Variants in SHC3 observed in about 807,000 individuals in gnomAD.
SHC3 encodes SHC-transforming protein 3.
A neutral mutation model predicts 60.4 loss-of-function variants in SHC3; 15 were observed. That is an observed-to-expected ratio of 0.25 (90% CI 0.17 to 0.38). SHC3 has a LOEUF of 0.38. Ranked by LOEUF, SHC3 falls within the 10% of genes least tolerant of loss-of-function variation. The pLI is 1.00. For missense variants in SHC3, 677 were observed against 786.1 expected, an observed-to-expected ratio of 0.86 and a Z score of 1.66; for synonymous variants, 294 against 325.9, an observed-to-expected ratio of 0.90 and a Z score of 1.05.
chr9:89,015,816 T>G (rs1198514767), intron 11 of SHC3, among the ~76,000 whole-genome samples: 1 of 152,204 alleles, frequency 6.6e-6, no homozygotes, highest in Non-Finnish European at 1.5e-5. Flanking sequence ...GTTGAGGCTG[T>G]GCATCGTAAA....
intron 2 of SHC3, among the ~76,000 whole-genome samples, chr9:89,111,994 T>TA (rs1204828182): frequency 6.6e-6 from 1 of 152,142 alleles, no homozygotes; most frequent in Non-Finnish European, 1.5e-5. Flanking sequence ...ATTTTATTTT[T>TA]AAAAAACCAG....
In SHC3 at chr9:89,153,772, C is replaced by G. The variant is rs185576344; in HGVS notation, c.474+24215G>C. 5.3e-5 allele frequency among the ~76,000 whole-genome samples: 8 copies of G among 152,314 alleles called. No homozygotes were observed. The East Asian group carries it at 9.6e-4, about 18-fold the overall frequency. ...ATCATGTGATATCACAGTACTCTCT[C>G]TTGAATAAAGGAAATATGACTAAAG... On this transcript the variant is annotated intron_variant, in intron 1 of 11. Transcript: ENST00000375835.
intron 4 of SHC3, among the ~76,000 whole-genome samples, chr9:89,072,351 A>C (rs1020746324): frequency 6.6e-6 from 1 of 152,138 alleles, no homozygotes; most frequent in South Asian, 2.1e-4. Context: ...ACACCAAAAC[A>C]TCTCAACTTA....
chr9:89,084,257 G>T (rs1825492314), intron 2 of SHC3, among the ~76,000 whole-genome samples: 1 of 152,152 alleles, frequency 6.6e-6, no homozygotes, highest in Admixed American at 6.5e-5. Flanking sequence ...CTCATTCTGT[G>T]CTTCAGCCTT....
intron 1 of SHC3, among the ~76,000 whole-genome samples, chr9:89,145,392 G>A (rs540461535): frequency 4.6e-5 from 7 of 152,230 alleles, no homozygotes; most frequent in East Asian, 3.9e-4. Context: ...ACAATGATTC[G>A]CTTAAAGTAA....
chr9:89,141,402 C>A (rs75762893), intron 1 of SHC3, among the ~76,000 whole-genome samples: 3 of 151,040 alleles, frequency 2.0e-5, no homozygotes, highest in African/African-American at 4.8e-5. Context: ...AGAGTAGCCT[C>A]ACAAATCTTT....
At chr9:89,174,144 A>C (rs991895901) in intron 1 of SHC3, among the ~76,000 whole-genome samples, 1 of 152,188 alleles carries the variant, frequency 6.6e-6, no homozygotes, top group African/African-American at 2.4e-5. Context: ...ACACTTTGTC[A>C]AGTGAAAAAA....
At chr9:89,118,849 C>T (rs1253060505) in intron 1 of SHC3, among the ~76,000 whole-genome samples, 3 of 152,050 alleles carry the variant, frequency 2.0e-5, no homozygotes. Context: ...GGAATTATTC[C>T]AGAAAAACAA....
chr9:89,112,711 G>A, intron 1 of SHC3, 85 bp from the exon 2 acceptor site: 1 of 1,158,666 alleles, frequency 8.6e-7, no homozygotes, highest in Non-Finnish European at 1.2e-6. Context: ...ATTTTTGGGA[G>A]CCATACACAT....
intron 6 of SHC3, among the ~76,000 whole-genome samples, chr9:89,057,898 G>A (rs1324719943): frequency 6.6e-6 from 1 of 152,208 alleles, no homozygotes; most frequent in Non-Finnish European, 1.5e-5. Flanking sequence ...TCCTGGATTA[G>A]GGAGGGCTCT....
At chr9:89,030,668 T>C (rs1478543138) in intron 11 of SHC3, among the ~76,000 whole-genome samples, 2 of 152,218 alleles carry the variant, frequency 1.3e-5, no homozygotes, top group Admixed American at 1.3e-4. Flanking sequence ...ATTTTTCTAA[T>C]TGTCTCAAGG....
rs373334323 is a variant in SHC3, at chr9:89,063,722, G to A, written c.835+1807C>T. Among the ~76,000 whole-genome samples, 81 of 152,358 alleles carry A rather than the reference G, an allele frequency of 5.3e-4. 2 individuals carry two copies. In the East Asian group the frequency reaches 7.1e-3, roughly 13 times the overall value. On this transcript the variant is annotated intron_variant, in intron 6 of 11. Transcript: ENST00000375835. ...GATGACCCCTGTCGATGCCACTTGG[G>A]CAGATGAACTGACCAGCTGACACTT...
chr9:89,045,169 T>A (rs1214033272), intron 9 of SHC3, among the ~76,000 whole-genome samples: 1 of 151,664 alleles, frequency 6.6e-6, no homozygotes, highest in East Asian at 1.9e-4. Flanking sequence ...AGCATGGAGG[T>A]GTACAGTCTC....
At chr9:89,174,736 T>C (rs1826918027) in intron 1 of SHC3, among the ~76,000 whole-genome samples, 1 of 152,224 alleles carries the variant, frequency 6.6e-6, no homozygotes, top group African/African-American at 2.4e-5. Flanking sequence ...CCACACAGCA[T>C]TGCTTCCTGC....
chr9:89,167,227 T>C (rs1345417753), intron 1 of SHC3, among the ~76,000 whole-genome samples: 1 of 152,218 alleles, frequency 6.6e-6, no homozygotes. Context: ...TCCTCTCACC[T>C]GAGTTAATAA....
chr9:89,156,766 A>G (rs1235063766), intron 1 of SHC3, among the ~76,000 whole-genome samples: 2 of 152,064 alleles, frequency 1.3e-5, no homozygotes, highest in African/African-American at 4.8e-5. Context: ...TTTGTTCTAA[A>G]TTTCTTCCTG....
chr9:89,020,895 GC>G (rs1426861397), intron 11 of SHC3, among the ~76,000 whole-genome samples: 1 of 152,192 alleles, frequency 6.6e-6, no homozygotes, highest in East Asian at 1.9e-4. Context: ...CCTCCAAAGT[GC>G]CCAGTGGTGG....
chr9:89,008,018 C>T lies in SHC3; in HGVS notation c.*5429G>A, dbSNP rs1221510849. On this transcript the variant is annotated 3_prime_UTR_variant, in exon 12 of 12. Coordinates refer to ENST00000375835, the MANE Select transcript of SHC3 (RefSeq NM_016848.6). ...AACACAGAGCCAATCTGCGTGTGTA[C>T]AGAGATGCAGATCCGTTTTTAATCA... is the stretch of plus-strand genomic sequence containing the variant. 2.0e-5 allele frequency: 3 copies of T among 152,216 alleles called. No individual in the cohort carries two copies. Among genetic ancestry groups the T allele is most frequent in the Non-Finnish European group, 2.9e-5 (2 of 68,052 alleles). The allele number at this position is 152,216 out of a possible 1,614,324, so 9.4% of individuals were successfully genotyped here. A position where few individuals can be genotyped will look rare whatever the true frequency, so the allele number is the denominator to read the frequency against.
At chr9:89,019,439 G>A (rs1490935380) in intron 11 of SHC3, among the ~76,000 whole-genome samples, 1 of 152,080 alleles carries the variant, frequency 6.6e-6, no homozygotes, top group Non-Finnish European at 1.5e-5. Flanking sequence ...GAAAAAAAAG[G>A]CATACTGATT....
Sources: gnomAD v4.1 joint callset for allele counts (sites outside exome capture counted in the v4.1 genomes callset) on GRCh38, gnomAD v4.1.1 for gene constraint, MANE v1.5 for transcripts, NCBI Gene and HGNC (gene_info 2026-07-23, HGNC 2026-07-21) for gene names.